The following CROCC2 variants were observed in gnomAD, a reference collection of about 807,000 sequenced individuals.
CROCC2 encodes the protein ciliary rootlet coiled-coil, rootletin family member 2.
A neutral mutation model predicts 177.6 loss-of-function variants in CROCC2; 163 were observed. That is an observed-to-expected ratio of 0.92 (90% CI 0.81 to 1.05). The LOEUF (loss-of-function observed/expected upper bound fraction) is 1.05, where lower values mean the gene tolerates loss of function less well. Among genes scored for constraint, CROCC2 ranks in the 50% least tolerant of loss-of-function variants. The pLI, the probability that CROCC2 is intolerant of heterozygous loss-of-function variation, is 0.00. For missense variants in CROCC2, 1,929 were observed against 1,797.8 expected (o/e 1.07, Z -1.32); for synonymous variants, 904 against 787.3 (o/e 1.15, Z -2.48).
At chr2:240,913,318 G>A (rs1319084159) in intron 1 of CROCC2, among the ~76,000 whole-genome samples, 1 of 151,778 alleles carries the variant, frequency 6.6e-6, no homozygotes, top group Non-Finnish European at 1.5e-5. Flanking sequence ...CTCTCTAGCT[G>A]GTGGGCTCTT....
chr2:240,939,626 T>C (rs2059486199), intron 14 of CROCC2, among the ~76,000 whole-genome samples: 1 of 152,192 alleles, frequency 6.6e-6, no homozygotes, highest in African/African-American at 2.4e-5. Context: ...GGGTTTTCTT[T>C]GTGAGAAAGC....
chr2:240,989,794 A>G lies in CROCC2; in HGVS notation c.4824A>G (p.Glu1608=). The G allele has an allele frequency of 6.5e-7, 1 of 1,549,494 alleles. No homozygotes were observed. The highest frequency in any genetic ancestry group is 8.7e-7 in the Non-Finnish European group (1 of 1,146,240). Residue 1608 remains glutamate, a synonymous_variant, in exon 30 of 32, where the codon GAA becomes GAG. Coordinates refer to ENST00000690015, the MANE Select transcript of CROCC2 (RefSeq NM_001351305.2). ...PQATQALESQ[E]WTHQQQVKVL... ...CCACGCAGGCCCTGGAGTCCCAAGA[A>G]TGGACCCACCAGCAGCAGGTAAAGG... is the stretch of plus-strand genomic sequence containing the variant.
chr2:240,974,187 T>A (rs1219802904), intron 27 of CROCC2, among the ~76,000 whole-genome samples: 1 of 152,236 alleles, frequency 6.6e-6, no homozygotes, highest in East Asian at 1.9e-4. Flanking sequence ...GTTTCTCTCC[T>A]TCGTGTTGGA....
intron 20 of CROCC2, among the ~76,000 whole-genome samples, chr2:240,962,488 G>A (rs372891437): frequency 2.0e-5 from 3 of 152,320 alleles, no homozygotes; most frequent in African/African-American, 4.8e-5. Flanking sequence ...ACGTGTGGGG[G>A]TGGAGGGGAG....
At chr2:240,926,270 G>A (rs1167835746) in intron 5 of CROCC2, among the ~76,000 whole-genome samples, 1 of 152,234 alleles carries the variant, frequency 6.6e-6, no homozygotes, top group African/African-American at 2.4e-5. Context: ...CACAGCACCT[G>A]GCCGTGGCCC....
chr2:240,933,157 C>G lies in CROCC2; in HGVS notation c.1278C>G (p.Ser426=). The G allele has an allele frequency of 6.5e-7, 1 of 1,550,042 alleles. No homozygotes were observed. Among genetic ancestry groups the G allele is most frequent in the Non-Finnish European group, 8.7e-7 (1 of 1,146,786 alleles). ...AGCTGTGCCTGCAGCTGAAGTCCTC[C>G]CAGGCACTGGTGGCCAGTCTCCAGG... The part of the protein sequence containing the change: ...EQELCLQLKS[S]QALVASLQEQ... The change falls in exon 10 of 32, where the codon TCC becomes TCG. Residue 426 remains serine (S), a synonymous_variant. Coordinates refer to ENST00000690015, the MANE Select transcript of CROCC2 (RefSeq NM_001351305.2).
chr2:240,990,961 G>T (rs1418532276), intron 30 of CROCC2, among the ~76,000 whole-genome samples: 4 of 152,246 alleles, frequency 2.6e-5, no homozygotes, highest in Middle Eastern at 3.2e-3. Flanking sequence ...TACTCCTGAG[G>T]CCTCCACAGG....
Position 240,953,279 on chromosome 2 carries a change from G to A in CROCC2, c.2830-2580G>A, listed in dbSNP as rs1393500781. Among the ~76,000 whole-genome samples the A allele has an allele frequency of 6.6e-6, 1 of 152,114 alleles. No homozygotes were observed. Among genetic ancestry groups the A allele is most frequent in the Non-Finnish European group, 1.5e-5 (1 of 67,996 alleles). ...AAAATACAAAAATTAGCTGGGTGTG[G>A]TGGTGGGTGCCTGTAATCCCCGCTA... On this transcript the variant is annotated intron_variant, in intron 18 of 31. Coordinates refer to ENST00000690015, the MANE Select transcript of CROCC2 (RefSeq NM_001351305.2). The surrounding 1 kb of genome is among the most constrained non-coding windows in gnomAD (Gnocchi z 4.0).
At chr2:240,927,034 C>G (rs1343402397) in intron 5 of CROCC2, among the ~76,000 whole-genome samples, 5 of 152,244 alleles carry the variant, frequency 3.3e-5, no homozygotes, top group Admixed American at 6.5e-5. Context: ...ATTCGATCAC[C>G]CAGGTCTTTA....
rs563698995 is a variant in CROCC2 at position 240,907,300 on chromosome 2, C to G, written c.78+709C>G. 2.6e-5 allele frequency among the ~76,000 whole-genome samples: 4 copies of G among 152,274 alleles called. No homozygotes were observed. In the East Asian group the frequency reaches 7.7e-4, roughly 29 times the overall value. On this transcript the variant is annotated intron_variant, in intron 1 of 31. Transcript: ENST00000690015. ...GGGAATTGTCCCGTGTCCCTCTCCC[C>G]TTGCCTCCCTACTTCCCAGAGCCCA...
chr2:240,975,192 T>G (rs1453249877), intron 27 of CROCC2, among the ~76,000 whole-genome samples: 2 of 152,226 alleles, frequency 1.3e-5, no homozygotes, highest in Non-Finnish European at 2.9e-5. Context: ...GCTATAATGC[T>G]AGTATGGTCA....
At chr2:240,930,794 G>T (rs1277821217) in intron 6 of CROCC2, 137 bp from the exon 7 acceptor site, 3 of 592,330 alleles carry the variant, frequency 5.1e-6, no homozygotes, top group Non-Finnish European at 9.1e-6. Flanking sequence ...GTGACACATG[G>T]GAACAATCAA....
At chr2:240,913,625 G>A (rs1368858568) in intron 1 of CROCC2, among the ~76,000 whole-genome samples, 1 of 152,222 alleles carries the variant, frequency 6.6e-6, no homozygotes, top group Non-Finnish European at 1.5e-5. Context: ...CTGCCTGCAG[G>A]GGTGGCCTAG....
At chr2:240,974,136 A>C (rs4675839) in intron 27 of CROCC2, among the ~76,000 whole-genome samples, 87,377 of 151,970 alleles carry the variant, frequency 0.57, 25,802 homozygotes, top group East Asian at 0.91. Flanking sequence ...CACCTGCTTT[A>C]TATGCGTAGT....
intron 7 of CROCC2, 63 bp from the exon 8 acceptor site, chr2:240,932,255 C>A: frequency 1.5e-6 from 1 of 671,560 alleles, no homozygotes; most frequent in Non-Finnish European, 2.8e-6. Flanking sequence ...AGAGCCAGGG[C>A]ATGCTTGGGT....
At chr2:240,936,637 C>T (rs1263844990) in intron 14 of CROCC2, among the ~76,000 whole-genome samples, 2 of 152,196 alleles carry the variant, frequency 1.3e-5, no homozygotes, top group Non-Finnish European at 2.9e-5. Flanking sequence ...CAATACTGGT[C>T]CTGCCTACAA....
In CROCC2 at chr2:240,920,117, C is replaced by T. The variant is rs778136497; in HGVS notation, c.364C>T (p.Arg122Cys). ...AERDELASRC[R>C]VVSEQLQARL... ...GCGAGATGAGCTGGCCAGCAGGTGC[C>T]GTGTGGTCAGCGAGCAGGTGCGTGT... is the stretch of plus-strand genomic sequence containing the variant. The change falls in exon 3 of 32, where the codon CGT becomes TGT. Residue 122 changes from arginine (R) to cysteine (C), a missense_variant. By Grantham distance (180) the Arg-to-Cys change is radical. Around this residue, in one of 3 missense-constraint regions of CROCC2, gnomAD observed 1,397 missense variants for 1,239.9 expected, o/e 1.13. Coordinates refer to ENST00000690015, the MANE Select transcript of CROCC2 (RefSeq NM_001351305.2). The T allele has an allele frequency of 7.2e-6, 5 of 696,776 alleles. No homozygotes were observed. The highest frequency in any genetic ancestry group is 1.5e-5 in the South Asian group (1 of 65,436). 43.2% of individuals were successfully genotyped at this position (696,776 alleles called of 1,614,324 possible).
chr2:240,935,147 A>G (rs956547410), intron 13 of CROCC2, 85 bp downstream of exon 13: 2 of 1,293,488 alleles, frequency 1.5e-6, no homozygotes, highest in African/African-American at 1.6e-5. Flanking sequence ...CCTTCTTTCC[A>G]TCCTCCCAGA....
intron 27 of CROCC2, among the ~76,000 whole-genome samples, chr2:240,969,235 G>A (rs2059705542): frequency 6.6e-6 from 1 of 152,216 alleles, no homozygotes; most frequent in Non-Finnish European, 1.5e-5. Flanking sequence ...GGCCCCAAGG[G>A]CAGCCGGCCA....
Sources: gnomAD v4.1 joint callset for allele counts (sites outside exome capture counted in the v4.1 genomes callset) on GRCh38, gnomAD v4.1.1 for gene constraint, gnomAD v4.1.1 regional missense constraint, Gnocchi (gnomAD v3.1) non-coding constraint, MANE v1.5 for transcripts, NCBI Gene and HGNC (gene_info 2026-07-23, HGNC 2026-07-21) for gene names.